The following CAST variants were observed in gnomAD, a reference collection of about 807,000 sequenced individuals.
CAST encodes the protein MIR583 host.
In CAST, 76 loss-of-function variants were observed where a neutral mutation model predicts 119.6. The ratio of observed to expected loss-of-function variants is 0.64; its 90% CI spans 0.53 to 0.77. CAST has a LOEUF of 0.77. Among genes scored for constraint, CAST ranks in the 30% least tolerant of loss-of-function variants. The probability of loss-of-function intolerance (pLI) is 0.00; values close to 1 mark genes in which losing one functional copy is unlikely to be tolerated. For synonymous variants in CAST, 319 were observed against 331.6 expected (o/e 0.96, Z 0.41); for missense variants, 953 against 946.5 (o/e 1.01, Z -0.09).
At chr5:95,986,915 C>T in the CAST span, among the ~76,000 whole-genome samples, 2 of 152,100 alleles carry the variant, frequency 1.3e-5, no homozygotes, top group Admixed American at 1.3e-4. Flanking sequence ...AAATGCTGCA[C>T]AGAGGCCTGT....
chr5:96,516,963 T>C, the CAST span, among the ~76,000 whole-genome samples: 1 of 152,182 alleles, frequency 6.6e-6, no homozygotes, highest in African/African-American at 2.4e-5. Context: ...CAGCCGACTG[T>C]TTCCAGTGTG....
At chr5:95,978,392 A>G in the CAST span, among the ~76,000 whole-genome samples, 2 of 152,206 alleles carry the variant, frequency 1.3e-5, no homozygotes, top group Non-Finnish European at 2.9e-5. Flanking sequence ...CATCTCTCTA[A>G]TGATCAGTGA....
At chr5:96,003,956 T>G in the CAST span, among the ~76,000 whole-genome samples, 1 of 152,210 alleles carries the variant, frequency 6.6e-6, no homozygotes, top group Non-Finnish European at 1.5e-5. Flanking sequence ...CTTTTTTTCA[T>G]ACTCATAAAT....
intron 25 of CAST, chr5:96,762,620 T>G (rs550048555): frequency 1.2e-5 from 5 of 406,196 alleles, no homozygotes; most frequent in Non-Finnish European, 1.3e-5. Flanking sequence ...TATTGTTGCT[T>G]TATAAGAATT....
the CAST span, among the ~76,000 whole-genome samples, chr5:96,183,160 A>T: frequency 1.5e-4 from 22 of 143,270 alleles, no homozygotes; most frequent in African/African-American, 5.6e-4. Context: ...AAAATAAATA[A>T]AATAATAATA....
chr5:96,428,024 C>T, the CAST span, among the ~76,000 whole-genome samples: 10 of 151,842 alleles, frequency 6.6e-5, no homozygotes, highest in East Asian at 1.4e-3. Context: ...ATGAGCTATA[C>T]GGTCACTGTC....
chr5:96,508,662 G>C, the CAST span, among the ~76,000 whole-genome samples: 6 of 152,252 alleles, frequency 3.9e-5, no homozygotes, highest in South Asian at 1.2e-3. Context: ...TTAGGCATGG[G>C]GTTAGAGAGG....
At chr5:96,362,953 T>C in the CAST span, among the ~76,000 whole-genome samples, 1 of 152,130 alleles carries the variant, frequency 6.6e-6, no homozygotes, top group Admixed American at 6.6e-5. Flanking sequence ...TCTTCTAGGG[T>C]TTTTATGATT....
At chr5:96,093,953 A>G in the CAST span, among the ~76,000 whole-genome samples, 2 of 151,694 alleles carry the variant, frequency 1.3e-5, no homozygotes, top group Admixed American at 1.3e-4. Flanking sequence ...TTGCTCTACT[A>G]GAACCTATTC....
the CAST span, among the ~76,000 whole-genome samples, chr5:96,461,585 G>A: frequency 1.3e-5 from 2 of 152,024 alleles, no homozygotes; most frequent in South Asian, 2.1e-4. Flanking sequence ...GAATGATTCT[G>A]AATGAAACCT....
chr5:96,283,637 T>G, the CAST span, among the ~76,000 whole-genome samples: 4 of 152,228 alleles, frequency 2.6e-5, no homozygotes, highest in Non-Finnish European at 5.9e-5. Context: ...CATCCACTGT[T>G]GAACAATTGG....
At chr5:96,607,621 T>TGTGCTTTTCGAGGGTGTCCTTTCAC (rs1747284408) in intron 1 of CAST, among the ~76,000 whole-genome samples, 1 of 77,468 alleles carries the variant, frequency 1.3e-5, no homozygotes, top group Non-Finnish European at 2.7e-5. Context: ...AACACGTATT[T>TGTGCTTTTCGAGGGTGTCCTTTCAC]GTGCTTTTCG....
At chr5:96,380,722 G>A in the CAST span, among the ~76,000 whole-genome samples, 1 of 152,020 alleles carries the variant, frequency 6.6e-6, no homozygotes, top group Non-Finnish European at 1.5e-5. Context: ...AATATTTAGA[G>A]GTTTTATTAT....
chr5:96,722,541 T>G, intron 3 of CAST, 98 bp from the exon 4 acceptor site: 2 of 899,732 alleles, frequency 2.2e-6, no homozygotes, highest in Non-Finnish European at 3.7e-6. Flanking sequence ...AAAACCAAGG[T>G]AAAGGGCCAA....
chr5:96,474,247 G>A, the CAST span, among the ~76,000 whole-genome samples: 86 of 152,170 alleles, frequency 5.7e-4, no homozygotes, highest in African/African-American at 1.8e-3. Context: ...GAACTGAGAC[G>A]ATGAGGCTGC....
chr5:96,577,837 AT>A (rs1235193212), intron 1 of CAST, among the ~76,000 whole-genome samples: 7 of 152,286 alleles, frequency 4.6e-5, no homozygotes, highest in African/African-American at 1.7e-4. Flanking sequence ...AAAAGGGTAC[AT>A]AGTTTACTGT....
chr5:96,734,460 T>G (rs1761232234), intron 9 of CAST, among the ~76,000 whole-genome samples: 1 of 152,166 alleles, frequency 6.6e-6, no homozygotes, highest in Non-Finnish European at 1.5e-5. Flanking sequence ...TAGCCTAAAT[T>G]AGAGCTGTGA....
chr5:96,026,675 G>A, the CAST span, among the ~76,000 whole-genome samples: 1 of 152,138 alleles, frequency 6.6e-6, no homozygotes. Flanking sequence ...AAGCACTTAG[G>A]TAAAAGAAAA....
At chr5:96,703,872 A>G (rs73138626) in intron 3 of CAST, among the ~76,000 whole-genome samples, 4,042 of 152,290 alleles carry the variant, frequency 0.027, 187 homozygotes, top group African/African-American at 0.092. Flanking sequence ...AATCAGCACT[A>G]GAGTTTATAT....
Sources: allele counts gnomAD v4.1 joint callset (sites outside exome capture counted in the v4.1 genomes callset), GRCh38; gene constraint gnomAD v4.1.1; transcripts MANE v1.5; gene names NCBI Gene and HGNC (gene_info 2026-07-23, HGNC 2026-07-21).